The following PCTP variants were observed in gnomAD, a reference collection of about 807,000 sequenced individuals.
PCTP encodes START domain-containing protein 2.
A neutral mutation model predicts 31.0 loss-of-function variants in PCTP; 27 were observed. The observed-to-expected ratio is 0.87, with a 90% CI of 0.64 to 1.20. The LOEUF is 1.20. PCTP is among the 50% of genes most tolerant of loss of function. The pLI is 0.00. For missense variants in PCTP, 287 were observed against 268.2 expected (o/e 1.07, Z -0.49); for synonymous variants, 108 against 101.2 (o/e 1.07, Z -0.40).
chr17:55,823,881 A>C (rs919610799), downstream of PCTP, among the ~76,000 whole-genome samples: 1 of 152,184 alleles, frequency 6.6e-6, no homozygotes, highest in Non-Finnish European at 1.5e-5. Flanking sequence ...CGCCTGAGCT[A>C]TTCCTGATGG....
At chr17:55,830,223 G>C (rs1335363050) in intron 5 of PCTP, among the ~76,000 whole-genome samples, 1 of 152,168 alleles carries the variant, frequency 6.6e-6, no homozygotes, top group South Asian at 2.1e-4. Flanking sequence ...CAGGAGATTT[G>C]ACTGTGCTGC....
intron 3 of PCTP, among the ~76,000 whole-genome samples, chr17:55,803,310 A>G (rs890918050): frequency 2.0e-5 from 3 of 152,212 alleles, no homozygotes; most frequent in Admixed American, 6.6e-5. Context: ...AGGTAATGCT[A>G]TCTCCATCAA....
intron 4 of PCTP, 91 bp downstream of exon 4, chr17:55,773,986 G>T (rs749880249): frequency 3.6e-6 from 5 of 1,401,706 alleles, no homozygotes; most frequent in Non-Finnish European, 4.8e-6. Flanking sequence ...TACATGAAGC[G>T]TATCCCTGAA....
chr17:55,830,779 A>G (rs1905567231), intron 5 of PCTP, among the ~76,000 whole-genome samples: 1 of 152,212 alleles, frequency 6.6e-6, no homozygotes, highest in South Asian at 2.1e-4. Flanking sequence ...TTGAGGGGTT[A>G]GGGGAGATGG....
chr17:55,783,945 C>T (rs1215515216), intron 2 of PCTP, among the ~76,000 whole-genome samples: 1 of 152,194 alleles, frequency 6.6e-6, no homozygotes, highest in African/African-American at 2.4e-5. Context: ...GTTGAGTAAT[C>T]GCTGAAGCTC....
rs79186953 is a variant in PCTP at position 55,756,715 on chromosome 17, A to ATGTG, written c.141+5495_141+5498dup. The stretch of plus-strand genomic sequence containing the variant: ...ACACGTGTGTGTGTGTGTATTATGA[A>ATGTG]TGTGTGTGTGTGTGTGTGTGTGTGT... On this transcript the variant is annotated intron_variant, in intron 1 of 5. Transcript: ENST00000268896. 1.0e-2 allele frequency among the ~76,000 whole-genome samples: 1,503 copies of ATGTG among 150,382 alleles called. 19 individuals carry two copies. The highest frequency in any genetic ancestry group is 0.027 in the African/African-American group (1,107 of 40,838).
intron 3 of PCTP, among the ~76,000 whole-genome samples, chr17:55,792,237 C>T (rs1353780518): frequency 6.7e-6 from 1 of 148,972 alleles, no homozygotes; most frequent in Non-Finnish European, 1.5e-5. Context: ...AGCACACCAG[C>T]ATGGCACATG....
intron 3 of PCTP, among the ~76,000 whole-genome samples, chr17:55,771,490 G>A (rs751280937): frequency 6.6e-6 from 1 of 152,182 alleles, no homozygotes; most frequent in Non-Finnish European, 1.5e-5. Context: ...GGATCTGGAA[G>A]GAACTTCTTA....
chr17:55,751,481 A>T, intron 1 of PCTP: 1 of 1,528,238 alleles, frequency 6.5e-7, no homozygotes. Context: ...GCCTCAGGTC[A>T]GGCCCGACGG....
At chr17:55,812,943 G>A (rs990499419) in intron 3 of PCTP, among the ~76,000 whole-genome samples, 1 of 152,170 alleles carries the variant, frequency 6.6e-6, no homozygotes, top group African/African-American at 2.4e-5. Flanking sequence ...AGTCATGAGA[G>A]TTATCACTCC....
Position 55,773,866 on chromosome 17 carries a change from T to C in PCTP, c.482T>C (p.Ile161Thr), listed in dbSNP as rs1280714009. 3 of 1,611,164 alleles carry C rather than the reference T, an allele frequency of 1.9e-6. No homozygotes were observed. The highest frequency in any genetic ancestry group is 1.7e-6 in the Non-Finnish European group (2 of 1,178,342). The change falls in exon 4 of 6, where the codon ATC (isoleucine) becomes ACC (threonine). Residue 161 changes from isoleucine (I) to threonine (T), a missense_variant. Coordinates refer to ENST00000268896, the MANE Select transcript of PCTP (RefSeq NM_021213.4). ...AAGCAATACAAGCAGAGCCTGGCGA[T>C]CGAGAGTGACGGCAAGAAGGGGAGC... Reference protein sequence around the residue: ...RVKQYKQSLAIESDGKKGSKV... With the variant: ...RVKQYKQSLATESDGKKGSKV...
At chr17:55,840,085 C>T (rs1039362519) in intron 5 of PCTP, among the ~76,000 whole-genome samples, 4 of 151,978 alleles carry the variant, frequency 2.6e-5, no homozygotes, top group East Asian at 3.8e-4. Flanking sequence ...CACCAGTCAC[C>T]GTTGCCCAAA....
At chr17:55,754,000 T>G (rs1349188771) in intron 1 of PCTP, among the ~76,000 whole-genome samples, 6 of 152,194 alleles carry the variant, frequency 3.9e-5, no homozygotes, top group Non-Finnish European at 8.8e-5. Context: ...ACTCAAACTG[T>G]TTTTTTCATT....
intron 1 of PCTP, among the ~76,000 whole-genome samples, chr17:55,763,457 A>G (rs1024935410): frequency 1.3e-5 from 2 of 152,076 alleles, no homozygotes; most frequent in African/African-American, 4.8e-5. Context: ...AAAAAAAAAT[A>G]GAATTATGGA....
intron 3 of PCTP, among the ~76,000 whole-genome samples, chr17:55,809,060 G>C (rs994643961): frequency 1.3e-5 from 2 of 152,008 alleles, no homozygotes; most frequent in African/African-American, 4.8e-5. Context: ...TCCAACCTTG[G>C]GGTAAAAAAG....
At chr17:55,783,232 C>T (rs193133808) in intron 2 of PCTP, among the ~76,000 whole-genome samples, 182 of 151,926 alleles carry the variant, frequency 1.2e-3, no homozygotes, top group African/African-American at 4.1e-3. Flanking sequence ...GATTTAACAC[C>T]GTTGGAGAGC....
At chr17:55,778,713 A>G (rs575503598), downstream of PCTP, among the ~76,000 whole-genome samples, 16 of 152,184 alleles carry the variant, frequency 1.1e-4, no homozygotes, top group East Asian at 9.7e-4. Flanking sequence ...TGGTGTGGCT[A>G]TGGGTTATAG....
At chr17:55,839,028 A>G (rs1274225750) in intron 5 of PCTP, among the ~76,000 whole-genome samples, 3 of 152,220 alleles carry the variant, frequency 2.0e-5, no homozygotes, top group Admixed American at 6.5e-5. Flanking sequence ...AAAACCAAAC[A>G]AAACAAAACA....
chr17:55,781,280 C>T (rs1911556235), downstream of PCTP, among the ~76,000 whole-genome samples: 1 of 152,246 alleles, frequency 6.6e-6, no homozygotes, highest in Non-Finnish European at 1.5e-5. Context: ...CTGCCCCATG[C>T]TTTGCCTCAG....
Sources: gnomAD v4.1 joint callset for allele counts (sites outside exome capture counted in the v4.1 genomes callset) on GRCh38, gnomAD v4.1.1 for gene constraint, MANE v1.5 for transcripts, NCBI Gene and HGNC (gene_info 2026-07-23, HGNC 2026-07-21) for gene names.